Variants in EYA1 observed in about 807,000 individuals in gnomAD.
EYA1 encodes protein phosphatase EYA1.
A neutral mutation model predicts 82.0 loss-of-function variants in EYA1; 16 were observed. That is an observed-to-expected ratio of 0.20 (90% CI 0.13 to 0.30). EYA1 has a LOEUF of 0.30. Among genes scored for constraint, EYA1 ranks in the 10% least tolerant of loss-of-function variants. The pLI is 1.00. For synonymous variants in EYA1, 261 were observed against 264.4 expected (o/e 0.99, Z 0.12); for missense variants, 633 against 730.7 (o/e 0.87, Z 1.54).
chr8:71,485,553 G>A (rs1476683520), intron 2 of EYA1, among the ~76,000 whole-genome samples: 1 of 151,836 alleles, frequency 6.6e-6, no homozygotes, highest in Non-Finnish European at 1.5e-5. Flanking sequence ...AAAAGTACAA[G>A]TCAACGGAAG....
At chr8:71,265,948 A>G (rs1815741911) in intron 11 of EYA1, among the ~76,000 whole-genome samples, 1 of 152,200 alleles carries the variant, frequency 6.6e-6, no homozygotes, top group African/African-American at 2.4e-5. Context: ...AGACTTTCTT[A>G]TAACACCCAA....
In EYA1 at chr8:71,271,820, T is replaced by TG; in HGVS notation, c.903_904insC (p.Lys302GlnfsTer11). 6.2e-7 allele frequency: 1 copy of TG among 1,614,200 alleles called. No individual in the cohort carries two copies. The highest frequency in any genetic ancestry group is 8.5e-7 in the Non-Finnish European group (1 of 1,180,034). ...TTTCTTCGGCCCCGTCCACGTGATT[T>TG]CCCATCTGAACCTCGACGCAATCGA... On this transcript the variant is annotated frameshift_variant, in exon 10 of 18. Transcript: ENST00000340726. LOFTEE classifies it high-confidence loss of function.
Position 71,300,772 on chromosome 8 carries a change from C to T in EYA1, c.557-1052G>A, listed in dbSNP as rs1263609500. 3.3e-5 allele frequency among the ~76,000 whole-genome samples: 5 copies of T among 151,958 alleles called. 1 individual carries two copies. Among genetic ancestry groups the T allele is most frequent in the Admixed American group, 1.3e-4 (2 of 15,244 alleles). On this transcript the variant is annotated intron_variant, in intron 7 of 17. Coordinates refer to ENST00000340726, the MANE Select transcript of EYA1 (RefSeq NM_000503.6). ...ATGGAATACTATGAAGCTGTTTAAA[C>T]GGTATTACAATGATGTTTAATGGCA... is the stretch of plus-strand genomic sequence containing the variant.
intron 2 of EYA1, among the ~76,000 whole-genome samples, chr8:71,368,555 C>T (rs1199954584): frequency 1.4e-4 from 22 of 152,022 alleles, no homozygotes; most frequent in Admixed American, 1.4e-3. Flanking sequence ...GCCTAAGAAT[C>T]CCAGCCTTTT....
intron 2 of EYA1, among the ~76,000 whole-genome samples, chr8:71,486,180 A>T (rs1334720142): frequency 6.6e-6 from 1 of 152,094 alleles, no homozygotes; most frequent in East Asian, 1.9e-4. Context: ...TGACTTGGGG[A>T]TATTCCCACT....
At chr8:71,333,214 A>ATTT (rs2129046183) in intron 4 of EYA1, among the ~76,000 whole-genome samples, 1 of 152,282 alleles carries the variant, frequency 6.6e-6, no homozygotes, top group South Asian at 2.1e-4. Context: ...CCCTTTGTTA[A>ATTT]TTTTTATCAC....
chr8:71,534,111 T>A (rs1038732590), intron 2 of EYA1, among the ~76,000 whole-genome samples: 3 of 152,242 alleles, frequency 2.0e-5, no homozygotes, highest in Admixed American at 6.5e-5. Flanking sequence ...TGGCAGTATT[T>A]CTTTGCAGAT....
chr8:71,473,880 T>C (rs1809432889), intron 2 of EYA1, among the ~76,000 whole-genome samples: 1 of 152,056 alleles, frequency 6.6e-6, no homozygotes, highest in Non-Finnish European at 1.5e-5. Context: ...ATAAAAAGGA[T>C]GAGTTCATGG....
At chr8:71,452,976 AAAG>A (rs765199973) in intron 2 of EYA1, among the ~76,000 whole-genome samples, 10 of 152,228 alleles carry the variant, frequency 6.6e-5, no homozygotes, top group Non-Finnish European at 1.2e-4. Flanking sequence ...TCTCTGAGCT[AAAG>A]GAGGAAGTAC....
chr8:71,353,376 C>T (rs1263823650), intron 3 of EYA1, among the ~76,000 whole-genome samples: 3 of 152,206 alleles, frequency 2.0e-5, no homozygotes, highest in African/African-American at 7.2e-5. Flanking sequence ...CACACTAGAA[C>T]TACTTTCCTA....
intron 4 of EYA1, among the ~76,000 whole-genome samples, chr8:71,333,481 G>A (rs1225786683): frequency 6.6e-6 from 1 of 152,154 alleles, no homozygotes; most frequent in Admixed American, 6.5e-5. Context: ...TGGGCTGGGT[G>A]ACTTGGCAAA....
intron 2 of EYA1, among the ~76,000 whole-genome samples, chr8:71,425,587 T>C (rs1446128473): frequency 1.3e-5 from 2 of 152,198 alleles, no homozygotes; most frequent in Non-Finnish European, 2.9e-5. Flanking sequence ...ATTTCCCTTA[T>C]CTAAGGAGCT....
At chr8:71,218,359 CT>C (rs1809469164) in intron 12 of EYA1, among the ~76,000 whole-genome samples, 1 of 152,164 alleles carries the variant, frequency 6.6e-6, no homozygotes, top group African/African-American at 2.4e-5. Flanking sequence ...AAACTCTTCT[CT>C]CTCCATGGAT....
At position 71,464,989 on chromosome 8, in the gene EYA1, G is replaced by A. The variant is rs1002060090; in HGVS notation, c.33+70755C>T. On this transcript the variant is annotated intron_variant, in intron 2 of 18. Coordinates refer to the EYA1 transcript ENST00000643681. ...ACTCAGCTTCCACAAATACTAATACGTCTTATTGTAAAATGTATATGTGGA... is the reference window on the plus strand; with the variant it reads ...ACTCAGCTTCCACAAATACTAATACATCTTATTGTAAAATGTATATGTGGA... Among the ~76,000 whole-genome samples the A allele has an allele frequency of 5.9e-5, 9 of 151,988 alleles. 1 individual carries two copies. In the South Asian group the frequency reaches 8.3e-4, roughly 14 times the overall value.
intron 2 of EYA1, among the ~76,000 whole-genome samples, chr8:71,415,479 C>T (rs900126622): frequency 6.6e-6 from 1 of 152,168 alleles, no homozygotes; most frequent in Non-Finnish European, 1.5e-5. Context: ...ACCCTAAACA[C>T]AGAGAGCTAG....
chr8:71,361,674 T>C lies in EYA1; in HGVS notation c.-82A>G. 1.0e-6 allele frequency: 1 copy of C among 985,490 alleles called. No homozygotes were observed. The highest frequency in any genetic ancestry group is 1.2e-6 in the Non-Finnish European group (1 of 829,946). The allele number at this position is 985,490 out of a possible 1,614,324, so 61.0% of individuals were successfully genotyped here. On this transcript the variant is annotated 5_prime_UTR_variant, in exon 1 of 18. Transcript: ENST00000340726. Reference sequence around the variant, plus strand: ...CGCTTACATCTGCTGCATCCACCAGTTTAATGTGTTCCTTCGAATTTTCTG... The same window carrying C: ...CGCTTACATCTGCTGCATCCACCAGCTTAATGTGTTCCTTCGAATTTTCTG...
Position 71,198,927 on chromosome 8 carries a change from A to T in EYA1, c.*413T>A. ...AAAAAGTAAACCTTCTTTACAAGAAAATTCCTCCACTGGTATTCAGGAAAC... is the reference window on the plus strand; with the variant it reads ...AAAAAGTAAACCTTCTTTACAAGAATATTCCTCCACTGGTATTCAGGAAAC... On this transcript the variant is annotated 3_prime_UTR_variant, in exon 18 of 18. Transcript: ENST00000340726. 4.2e-6 allele frequency: 1 copy of T among 235,902 alleles called. No homozygotes were observed. 14.6% of individuals were successfully genotyped at this position (235,902 alleles called of 1,614,324 possible).
chr8:71,355,250 T>C (rs1378597151), intron 2 of EYA1, among the ~76,000 whole-genome samples: 1 of 152,200 alleles, frequency 6.6e-6, no homozygotes, highest in African/African-American at 2.4e-5. Flanking sequence ...TGTCTTTTTA[T>C]ATTAAAAAGG....
At chr8:71,208,368 G>A (rs113946802) in intron 17 of EYA1, among the ~76,000 whole-genome samples, 29,041 of 151,988 alleles carry the variant, frequency 0.19, 2,817 homozygotes, top group African/African-American at 0.22. Flanking sequence ...GGAGGAGGAG[G>A]TTGCAGTGAG....
Sources: allele counts gnomAD v4.1 joint callset (sites outside exome capture counted in the v4.1 genomes callset), GRCh38; gene constraint gnomAD v4.1.1; transcripts MANE v1.5; gene names NCBI Gene and HGNC (gene_info 2026-07-23, HGNC 2026-07-21).